The following SORCS2 variants were observed in gnomAD, a reference collection of about 807,000 sequenced individuals.
The protein encoded by SORCS2 is sortilin related VPS10 domain containing receptor 2, also known as VPS10 domain-containing receptor SorCS2.
SORCS2 carries 100 observed loss-of-function variants against 141.6 expected under a neutral mutation model. The ratio of observed to expected loss-of-function variants is 0.71; its 90% CI spans 0.60 to 0.83. SORCS2 has a LOEUF of 0.83. Among genes scored for constraint, SORCS2 ranks in the 40% least tolerant of loss-of-function variants. The pLI, the probability that SORCS2 is intolerant of heterozygous loss-of-function variation, is 0.00. For synonymous variants in SORCS2, 789 were observed against 676.9 expected, an observed-to-expected ratio of 1.17 and a Z score of -2.57; for missense variants, 1,646 against 1,560.2, an observed-to-expected ratio of 1.05 and a Z score of -0.93.
At chr4:7,515,825 A>G (rs971931423) in intron 2 of SORCS2, among the ~76,000 whole-genome samples, 1 of 152,190 alleles carries the variant, frequency 6.6e-6, no homozygotes, top group African/African-American at 2.4e-5. Flanking sequence ...GCCCTGGCAA[A>G]GAAACACTGA....
chr4:7,615,734 C>A (rs1718715947), intron 3 of SORCS2, among the ~76,000 whole-genome samples: 1 of 151,858 alleles, frequency 6.6e-6, no homozygotes, highest in Non-Finnish European at 1.5e-5. Context: ...TGTGCTCCCG[C>A]AGACCTGAGC....
At chr4:7,240,293 A>T (rs552258403) in intron 1 of SORCS2, among the ~76,000 whole-genome samples, 3 of 152,240 alleles carry the variant, frequency 2.0e-5, no homozygotes, top group Non-Finnish European at 2.9e-5. Flanking sequence ...GAAGCTGAGA[A>T]CCCTGCTGAG....
chr4:7,623,555 C>T (rs900880559), intron 3 of SORCS2, among the ~76,000 whole-genome samples: 1 of 152,150 alleles, frequency 6.6e-6, no homozygotes, highest in Non-Finnish European at 1.5e-5. Context: ...TTCCAAACTC[C>T]CTGTTGCCCG....
intron 18 of SORCS2, among the ~76,000 whole-genome samples, chr4:7,721,976 T>G (rs1444782694): frequency 1.3e-5 from 2 of 152,236 alleles, no homozygotes; most frequent in African/African-American, 2.4e-5. Context: ...TGGTGAGATT[T>G]AGTTTTGTTC....
chr4:7,722,116 C>T lies in SORCS2; in HGVS notation c.2425-1581C>T, dbSNP rs117176803. Among the ~76,000 whole-genome samples, 85 of 152,322 alleles carry T rather than the reference C, an allele frequency of 5.6e-4. No homozygotes were observed. In the East Asian group the frequency reaches 9.6e-3, roughly 17 times the overall value. ...GTTTAAGAAGTTAAATGTGCATCAG[C>T]GCAGCCCTTGAAGGCAGGAACACAA... On this transcript the variant is annotated intron_variant, in intron 18 of 26. Coordinates refer to ENST00000507866, the MANE Select transcript of SORCS2 (RefSeq NM_020777.3).
At chr4:7,723,431 C>T (rs1196760767) in intron 18 of SORCS2, among the ~76,000 whole-genome samples, 4 of 152,160 alleles carry the variant, frequency 2.6e-5, no homozygotes, top group African/African-American at 9.7e-5. Flanking sequence ...TCTCCCTCTC[C>T]CTCTCTGCCG....
intron 14 of SORCS2, 85 bp from the exon 15 acceptor site, chr4:7,712,646 CAG>C: frequency 6.4e-7 from 1 of 1,563,912 alleles, no homozygotes; most frequent in South Asian, 1.2e-5. Context: ...CAGGTAGGAA[CAG>C]AGTCCAGAGG....
intron 5 of SORCS2, among the ~76,000 whole-genome samples, chr4:7,661,266 C>T (rs1466445868): frequency 8.9e-6 from 1 of 112,554 alleles, no homozygotes; most frequent in Non-Finnish European, 1.9e-5. Context: ...CCCCTCAGCT[C>T]ACTCAAGGAA....
intron 18 of SORCS2, 106 bp downstream of exon 18, chr4:7,718,289 T>TGATGACGATGCCCTGAGC: frequency 7.6e-7 from 1 of 1,319,138 alleles, no homozygotes; most frequent in Non-Finnish European, 1.0e-6. Context: ...TAGAAGTGGC[T>TGATGACGATGCCCTGAGC]CAGGGCATCG....
At chr4:7,445,279 C>T (rs1447674011) in intron 2 of SORCS2, among the ~76,000 whole-genome samples, 5 of 152,140 alleles carry the variant, frequency 3.3e-5, no homozygotes, top group African/African-American at 4.8e-5. Flanking sequence ...GTACAGAAGT[C>T]ACAGGCTCTG....
At chr4:7,312,853 G>A (rs1009630156) in intron 1 of SORCS2, among the ~76,000 whole-genome samples, 5 of 152,354 alleles carry the variant, frequency 3.3e-5, no homozygotes, top group Admixed American at 6.5e-5. Context: ...TTTGCAACAA[G>A]TGTGATATTG....
At chr4:7,324,807 C>T (rs752042744) in intron 1 of SORCS2, among the ~76,000 whole-genome samples, 4 of 152,228 alleles carry the variant, frequency 2.6e-5, no homozygotes, top group African/African-American at 4.8e-5. Context: ...AAACCCATCA[C>T]GTGTAAGTGG....
chr4:7,736,581 G>A (rs1035061723), intron 25 of SORCS2, among the ~76,000 whole-genome samples: 1 of 152,162 alleles, frequency 6.6e-6, no homozygotes, highest in Non-Finnish European at 1.5e-5. Flanking sequence ...GCGGGGCTGT[G>A]CCCACCCTCT....
intron 1 of SORCS2, among the ~76,000 whole-genome samples, chr4:7,369,036 G>A (rs1722084957): frequency 6.6e-6 from 1 of 152,178 alleles, no homozygotes; most frequent in African/African-American, 2.4e-5. Flanking sequence ...GGCTGGTGTG[G>A]TGGCTCACAC....
intron 2 of SORCS2, among the ~76,000 whole-genome samples, chr4:7,512,263 A>T (rs1188095018): frequency 6.6e-6 from 1 of 151,440 alleles, no homozygotes; most frequent in Non-Finnish European, 1.5e-5. Context: ...CTCGAAGTCC[A>T]GCCCAGGGCC....
At chr4:7,268,749 C>T (rs1188495793) in intron 1 of SORCS2, among the ~76,000 whole-genome samples, 1 of 152,140 alleles carries the variant, frequency 6.6e-6, no homozygotes, top group Non-Finnish European at 1.5e-5. Context: ...GGGAGGGCTT[C>T]CAGGAGGAGG....
At chr4:7,272,594 T>G (rs974398523) in intron 1 of SORCS2, among the ~76,000 whole-genome samples, 3 of 152,246 alleles carry the variant, frequency 2.0e-5, no homozygotes, top group Non-Finnish European at 4.4e-5. Context: ...GCAGGCTTCC[T>G]CAGAGGTGAG....
At chr4:7,390,487 A>C (rs955936725) in intron 1 of SORCS2, among the ~76,000 whole-genome samples, 15 of 152,086 alleles carry the variant, frequency 9.9e-5, no homozygotes, top group African/African-American at 3.4e-4. Flanking sequence ...AGCTTGGGGG[A>C]ACTGGGCGCT....
At chr4:7,729,455 T>C (rs1727450368) in intron 22 of SORCS2, 132 bp from the exon 23 acceptor site, 1 of 1,227,592 alleles carries the variant, frequency 8.1e-7, no homozygotes, top group Non-Finnish European at 1.1e-6. Flanking sequence ...CCCCACGCCA[T>C]GCAGGGGTCA....
Sources: gnomAD v4.1 joint callset for allele counts (sites outside exome capture counted in the v4.1 genomes callset) on GRCh38, gnomAD v4.1.1 for gene constraint, MANE v1.5 for transcripts, NCBI Gene and HGNC (gene_info 2026-07-23, HGNC 2026-07-21) for gene names.